The following AGBL1 variants were observed in gnomAD, a reference collection of about 807,000 sequenced individuals.
The protein encoded by AGBL1 is AGBL carboxypeptidase 1, also known as cytosolic carboxypeptidase 4.
AGBL1 carries 130 observed loss-of-function variants against 118.9 expected under a neutral mutation model. The ratio of observed to expected loss-of-function variants is 1.09; its 90% confidence interval spans 0.95 to 1.26. The LOEUF (loss-of-function observed/expected upper bound fraction) is 1.26. Ranked by LOEUF, AGBL1 falls within the 50% of genes most tolerant of loss-of-function variation. AGBL1 has a pLI of 0.00. For synonymous variants in AGBL1, 555 were observed against 478.9 expected (o/e 1.16, Z -2.08); for missense variants, 1,584 against 1,298.1 (o/e 1.22, Z -3.38).
At chr15:86,350,339 G>A (rs991965294) in intron 17 of AGBL1, among the ~76,000 whole-genome samples, 2 of 152,236 alleles carry the variant, frequency 1.3e-5, no homozygotes, top group Non-Finnish European at 1.5e-5. Context: ...AGCCCAAAAT[G>A]TATCAACTGA....
At chr15:86,567,023 A>G (rs1488255499) in intron 21 of AGBL1, among the ~76,000 whole-genome samples, 1 of 152,200 alleles carries the variant, frequency 6.6e-6, no homozygotes, top group African/African-American at 2.4e-5. Flanking sequence ...CAAAACATTT[A>G]TCACCATTTT....
At chr15:86,378,731 C>T (rs945565689) in intron 17 of AGBL1, among the ~76,000 whole-genome samples, 15 of 151,884 alleles carry the variant, frequency 9.9e-5, no homozygotes, top group Admixed American at 5.2e-4. Flanking sequence ...AAATTGAGGC[C>T]ACATGTAAGT....
intron 22 of AGBL1, among the ~76,000 whole-genome samples, chr15:86,846,099 A>T (rs531428006): frequency 6.6e-6 from 1 of 152,070 alleles, no homozygotes; most frequent in East Asian, 1.9e-4. Context: ...ATATACTTAG[A>T]TTTTCTTTTC....
At chr15:86,236,458 G>T (rs1236056594) in intron 6 of AGBL1, among the ~76,000 whole-genome samples, 1 of 151,704 alleles carries the variant, frequency 6.6e-6, no homozygotes, top group Non-Finnish European at 1.5e-5. Flanking sequence ...TGAGGCTATT[G>T]ATTGCTGGTG....
intron 13 of AGBL1, among the ~76,000 whole-genome samples, chr15:86,269,058 A>G (rs533807584): frequency 2.0e-4 from 31 of 152,286 alleles, no homozygotes; most frequent in African/African-American, 6.3e-4. Flanking sequence ...TTGGAGATAT[A>G]TAGTGATGGG....
chr15:86,530,843 C>T (rs1890482249), intron 19 of AGBL1, among the ~76,000 whole-genome samples: 1 of 114,552 alleles, frequency 8.7e-6, no homozygotes, highest in Admixed American at 8.3e-5. Context: ...ACTGAACAAC[C>T]TGCTCCTGAA....
At chr15:86,135,370 A>G (rs1302282744) in intron 1 of AGBL1, among the ~76,000 whole-genome samples, 1 of 152,206 alleles carries the variant, frequency 6.6e-6, no homozygotes, top group Non-Finnish European at 1.5e-5. Context: ...TTCTTTATAA[A>G]TTACCCAATC....
At chr15:86,696,922 G>C (rs2086272340) in intron 22 of AGBL1, among the ~76,000 whole-genome samples, 3 of 151,912 alleles carry the variant, frequency 2.0e-5, no homozygotes, top group Admixed American at 2.0e-4. Context: ...GCTGAAGATA[G>C]GGCCCCAATC....
intron 19 of AGBL1, among the ~76,000 whole-genome samples, chr15:86,528,768 G>A (rs373590806): frequency 0.29 from 15,464 of 52,916 alleles, 2,435 homozygotes; most frequent in East Asian, 0.59. Flanking sequence ...TCTGAGAACG[G>A]GCAGACTACC....
chr15:86,683,350 G>T (rs1341852405), intron 22 of AGBL1, among the ~76,000 whole-genome samples: 2 of 152,102 alleles, frequency 1.3e-5, no homozygotes, highest in East Asian at 3.9e-4. Flanking sequence ...ATTATAGGTT[G>T]AATGTGTTGT....
chr15:86,222,144 C>T (rs925191069), intron 5 of AGBL1, among the ~76,000 whole-genome samples: 1 of 152,072 alleles, frequency 6.6e-6, no homozygotes, highest in Non-Finnish European at 1.5e-5. Context: ...TGAATTTCCT[C>T]TCCGATATCA....
At chr15:86,477,049 A>T (rs1216833354) in intron 18 of AGBL1, among the ~76,000 whole-genome samples, 1 of 152,184 alleles carries the variant, frequency 6.6e-6, no homozygotes, top group Non-Finnish European at 1.5e-5. Context: ...CAAACACACA[A>T]CATACCAGAA....
intron 22 of AGBL1, among the ~76,000 whole-genome samples, chr15:86,878,032 G>A (rs746916630): frequency 1.7e-4 from 26 of 152,166 alleles, no homozygotes; most frequent in South Asian, 4.1e-4. Flanking sequence ...TGTAAACTGC[G>A]TCTGTTCTGG....
intron 22 of AGBL1, among the ~76,000 whole-genome samples, chr15:86,783,636 T>A (rs2078366310): frequency 6.6e-6 from 1 of 152,148 alleles, no homozygotes; most frequent in Non-Finnish European, 1.5e-5. Flanking sequence ...CCATTTTTAT[T>A]TGTATTTTTT....
intron 18 of AGBL1, among the ~76,000 whole-genome samples, chr15:86,437,867 C>T (rs774093154): frequency 2.6e-5 from 4 of 152,104 alleles, no homozygotes; most frequent in Admixed American, 6.6e-5. Context: ...TCAGAGTACA[C>T]GATCCAGCTA....
intron 15 of AGBL1, among the ~76,000 whole-genome samples, chr15:86,274,960 T>G (rs117290138): frequency 0.017 from 2,602 of 152,194 alleles, 42 homozygotes; most frequent in East Asian, 0.055. Context: ...CCCACCTTGA[T>G]GACCACTAGG....
At chr15:86,950,997 T>G (rs1209762039) in intron 23 of AGBL1, among the ~76,000 whole-genome samples, 1 of 152,204 alleles carries the variant, frequency 6.6e-6, no homozygotes, top group Admixed American at 6.5e-5. Flanking sequence ...GCACTTACTC[T>G]CAAGTTTGCT....
At chr15:86,992,196 A>G (rs759292688) in intron 24 of AGBL1, among the ~76,000 whole-genome samples, 1 of 152,044 alleles carries the variant, frequency 6.6e-6, no homozygotes, top group Non-Finnish European at 1.5e-5. Context: ...TTAAACAACC[A>G]GATCTCATGT....
chr15:86,957,223 AAAG>A (rs1323783730), intron 23 of AGBL1, among the ~76,000 whole-genome samples: 1 of 152,126 alleles, frequency 6.6e-6, no homozygotes, highest in Non-Finnish European at 1.5e-5. Context: ...CCTTGAAATT[AAAG>A]GACATTCAGT....
Sources: gnomAD v4.1 joint callset for allele counts (sites outside exome capture counted in the v4.1 genomes callset) on GRCh38, gnomAD v4.1.1 for gene constraint, MANE v1.5 for transcripts, NCBI Gene and HGNC (gene_info 2026-07-23, HGNC 2026-07-21) for gene names.